The following ANKRD53 variants were observed in gnomAD, a reference collection of about 807,000 sequenced individuals.
The protein encoded by ANKRD53 is ankyrin repeat domain-containing protein 53.
ANKRD53 carries 27 observed loss-of-function variants against 30.1 expected under a neutral mutation model. That is an observed-to-expected ratio of 0.90 (90% confidence interval 0.66 to 1.24). The LOEUF is 1.24. Ranked by LOEUF, ANKRD53 falls within the 50% of genes most tolerant of loss-of-function variation. The pLI, the probability that ANKRD53 is intolerant of heterozygous loss-of-function variation, is 0.00. For missense variants in ANKRD53, 682 were observed against 721.0 expected (o/e 0.95, Z 0.62); for synonymous variants, 286 against 295.4 (o/e 0.97, Z 0.33).
intron 5 of ANKRD53, chr2:70,984,078 G>C (rs374033287): frequency 1.3e-6 from 2 of 1,566,032 alleles, no homozygotes; most frequent in African/African-American, 1.4e-5. Context: ...TCCAAGAAGC[G>C]TGTCCACATC....
intron 2 of ANKRD53, 101 bp downstream of exon 2, chr2:70,979,444 C>T: frequency 6.5e-7 from 1 of 1,541,762 alleles, no homozygotes; most frequent in South Asian, 1.2e-5. Context: ...GGTAGATCTT[C>T]CTAATTTAAC....
At position 70,984,857 on chromosome 2, in the gene ANKRD53, A is replaced by G. The variant is rs1442781162; in HGVS notation, c.1150A>G (p.Thr384Ala). The change falls in exon 6 of 6, where the codon ACA (threonine) becomes GCA (alanine). Residue 384 changes from threonine (T) to alanine (A), a missense_variant. Transcript: ENST00000360589. ...IYRKPTVKRP[T>A]MWNVSNNPAR... The stretch of plus-strand genomic sequence containing the variant: ...CAGGAAGCCCACGGTCAAGCGGCCC[A>G]CAATGTGGAATGTTAGCAACAACCC... 2 of 1,551,416 alleles carry G rather than the reference A, an allele frequency of 1.3e-6. No individual in the cohort carries two copies. The highest frequency in any genetic ancestry group is 1.7e-6 in the Non-Finnish European group (2 of 1,147,060).
In ANKRD53 at chr2:70,982,691, G is replaced by A. The variant is rs1553423861; in HGVS notation, c.897G>A (p.Glu299=). ...LTLMEHNYLI[E]YQKEHKILRE... ...TCATGGAGCACAACTACCTGATTGA[G>A]TATCAAGTAAGGGGGACAGCAGGGG... The change falls in exon 5 of 6, where the codon GAG becomes GAA. Residue 299 remains glutamate (E), a synonymous_variant. Transcript: ENST00000360589. This position sits in a 1 kb window ranked among gnomAD's most constrained non-coding sequence, Gnocchi z 4.2. The A allele has an allele frequency of 4.3e-6, 7 of 1,613,850 alleles. No homozygotes were observed. The highest frequency in any genetic ancestry group is 1.3e-5 in the African/African-American group (1 of 74,908).
rs117479227 is a variant in ANKRD53, at chr2:70,984,435, G to A, written c.904-176G>A. 1.1e-3 allele frequency: 1,111 copies of A among 985,326 alleles called. 49 individuals carry two copies. In the East Asian group the frequency reaches 0.085, roughly 76 times the overall value. 61.0% of individuals were successfully genotyped at this position (985,326 alleles called of 1,614,324 possible). On this transcript the variant is annotated intron_variant, in intron 5 of 5. Transcript: ENST00000360589. ...AAGTTGTCTCCCCCATCGGAACACC[G>A]GCTCCCATAAGGCAGGTGTTGCTTC...
upstream of ANKRD53, chr2:70,978,476 C>T (rs560123568): frequency 9.8e-4 from 704 of 717,840 alleles, 1 homozygote; most frequent in African/African-American, 0.012. The surrounding 1 kb of genome is among the most constrained non-coding windows in gnomAD (Gnocchi z 4.3). Flanking sequence ...CGGGCAGGGT[C>T]CCCGGAGGCC....
chr2:70,978,705 G>A lies in ANKRD53; in HGVS notation c.60G>A (p.Arg20=), dbSNP rs1428961187. The change falls in exon 1 of 6, where the codon AGG becomes AGA. Residue 20 remains arginine, a synonymous_variant. Transcript: ENST00000360589. This position sits in a 1 kb window ranked among gnomAD's most constrained non-coding sequence, Gnocchi z 4.3. The part of the protein sequence containing the change: ...RAGSGSWHSE[R]GEGRGARPQP... The stretch of plus-strand genomic sequence containing the variant: ...GCTCCGGAAGCTGGCACTCAGAAAG[G>A]GGAGAAGGGAGAGGTGCTCGGCCGC... 1.6e-5 allele frequency: 25 copies of A among 1,548,078 alleles called. No individual in the cohort carries two copies. In the Admixed American group the frequency reaches 4.7e-4, roughly 29 times the overall value.
In ANKRD53 at chr2:70,982,359, C is replaced by A; in HGVS notation, c.783-218C>A. The A allele has an allele frequency of 2.6e-6, 2 of 763,252 alleles. No homozygotes were observed. Among genetic ancestry groups the A allele is most frequent in the Non-Finnish European group, 4.1e-6 (2 of 491,212 alleles). The allele number at this position is 763,252 out of a possible 1,614,324, so 47.3% of individuals were successfully genotyped here. The stretch of plus-strand genomic sequence containing the variant: ...TGCCCTGGGGCCCCTGGCTCCTCAG[C>A]AGGAGGGTGGTGACCAGGTCATCAA... On this transcript the variant is annotated intron_variant, in intron 4 of 5. Coordinates refer to ENST00000360589, the MANE Select transcript of ANKRD53 (RefSeq NM_001115116.2). The surrounding 1 kb of genome is among the most constrained non-coding windows in gnomAD (Gnocchi z 4.2).
chr2:70,984,937 G>A lies in ANKRD53; in HGVS notation c.1230G>A (p.Val410=), dbSNP rs1670132529. The part of the protein sequence containing the change: ...ISHSQGIRLG[V]HPDPTPEHDF... ...ACTCGCAGGGCATCCGCCTGGGCGT[G>A]CATCCAGACCCCACTCCGGAGCACG... The change falls in exon 6 of 6, where the codon GTG becomes GTA. Residue 410 remains valine (V), a synonymous_variant. Coordinates refer to ENST00000360589, the MANE Select transcript of ANKRD53 (RefSeq NM_001115116.2). 3 of 1,550,704 alleles carry A rather than the reference G, an allele frequency of 1.9e-6. No homozygotes were observed. Among genetic ancestry groups the A allele is most frequent in the Non-Finnish European group, 2.6e-6 (3 of 1,146,958 alleles).
chr2:70,979,682 G>A lies in ANKRD53; in HGVS notation c.439G>A (p.Ala147Thr), dbSNP rs369024215. ...ACAGGGCTTCACTGCCATCCACTTC[G>A]CCGCCCAATGGGGCAAGCTTGCATG... ...DDKGFTAIHF[A>T]AQWGKLACLQ... is the part of the protein sequence containing the mutation. Residue 147 changes from alanine (A) to threonine (T), a missense_variant, in exon 3 of 6, where the codon GCC becomes ACC. Ala to Thr is a moderately conservative substitution (Grantham distance 58). Coordinates refer to ENST00000360589, the MANE Select transcript of ANKRD53 (RefSeq NM_001115116.2). The A allele has an allele frequency of 2.0e-5, 33 of 1,613,670 alleles. No homozygotes were observed. In the African/African-American group the frequency reaches 2.5e-4, roughly 12 times the overall value.
Position 70,982,195 on chromosome 2 carries a change from A to G in ANKRD53, c.782+95A>G. 7.2e-7 allele frequency: 1 copy of G among 1,398,064 alleles called. No homozygotes were observed. Among genetic ancestry groups the G allele is most frequent in the East Asian group, 2.5e-5 (1 of 39,986 alleles). The allele number at this position is 1,398,064 out of a possible 1,614,324, so 86.6% of individuals were successfully genotyped here. On this transcript the variant is annotated intron_variant, in intron 4 of 5. Coordinates refer to ENST00000360589, the MANE Select transcript of ANKRD53 (RefSeq NM_001115116.2). The surrounding 1 kb of genome is among the most constrained non-coding windows in gnomAD (Gnocchi z 4.2). ...TCACCACAGCTGAGCCTTTAAGGGG[A>G]GGGTTGGGAAGCCAGACAGCTGGAG... is the stretch of plus-strand genomic sequence containing the variant.
chr2:70,983,637 CAG>C (rs1553424061), intron 5 of ANKRD53, among the ~76,000 whole-genome samples: 1 of 152,170 alleles, frequency 6.6e-6, no homozygotes. Flanking sequence ...CACCAGTCCT[CAG>C]AGTCACACAC....
chr2:70,979,997 C>A, intron 3 of ANKRD53, 137 bp downstream of exon 3: 1 of 978,392 alleles, frequency 1.0e-6, no homozygotes, highest in Non-Finnish European at 1.5e-6. Context: ...ATAAAGCAGT[C>A]AGGAATCCAC....
At position 70,982,107 on chromosome 2, in the gene ANKRD53, G is replaced by C. The variant is rs2104856487; in HGVS notation, c.782+7G>C. Reference sequence around the variant, plus strand: ...ACCACCGTGCCTGTGCCCGGTGAGAGTGTGAGAACCACCTGGAGCCTGCCC... The same window carrying C: ...ACCACCGTGCCTGTGCCCGGTGAGACTGTGAGAACCACCTGGAGCCTGCCC... On this transcript the variant is annotated splice_region_variant and intron_variant, in intron 4 of 5. Coordinates refer to ENST00000360589, the MANE Select transcript of ANKRD53 (RefSeq NM_001115116.2). The surrounding 1 kb of genome is among the most constrained non-coding windows in gnomAD (Gnocchi z 4.2). The C allele has an allele frequency of 6.3e-7, 1 of 1,596,976 alleles. No individual in the cohort carries two copies. Among genetic ancestry groups the C allele is most frequent in the South Asian group, 1.1e-5 (1 of 88,264 alleles).
chr2:70,983,760 C>T (rs1395779956), intron 5 of ANKRD53, among the ~76,000 whole-genome samples: 3 of 152,296 alleles, frequency 2.0e-5, no homozygotes, highest in Admixed American at 1.3e-4. Context: ...TGTCCATTCT[C>T]GTTCCTTTAG....
chr2:70,978,929 G>A lies in ANKRD53; in HGVS notation c.170+114G>A. On this transcript the variant is annotated intron_variant, in intron 1 of 5. Coordinates refer to ENST00000360589, the MANE Select transcript of ANKRD53 (RefSeq NM_001115116.2). The surrounding 1 kb of genome is among the most constrained non-coding windows in gnomAD (Gnocchi z 4.3). ...GCGGAGGCTGCGGCCCGAGAAGCCA[G>A]CAGAGACAGGCTGGGGCCAGGGATC... The A allele has an allele frequency of 6.9e-7, 1 of 1,443,240 alleles. No individual in the cohort carries two copies. The highest frequency in any genetic ancestry group is 9.1e-7 in the Non-Finnish European group (1 of 1,093,352). The allele number at this position is 1,443,240 out of a possible 1,614,324, so 89.4% of individuals were successfully genotyped here. A position where few individuals can be genotyped will look rare whatever the true frequency, so the allele number is the denominator to read the frequency against.
At position 70,979,744 on chromosome 2, in the gene ANKRD53, G is replaced by A. The variant is rs782687520; in HGVS notation, c.501G>A (p.Val167=). 1.2e-6 allele frequency: 2 copies of A among 1,614,240 alleles called. No individual in the cohort carries two copies. The highest frequency in any genetic ancestry group is 3.3e-5 in the Admixed American group (2 of 60,024). Residue 167 remains valine (V), a synonymous_variant, in exon 3 of 6, where the codon GTG becomes GTA. Transcript: ENST00000360589. The part of the protein sequence containing the change: ...QVLVEEYKFP[V]DLLTNNSQTP... ...TGGTAGAGGAGTACAAGTTTCCCGT[G>A]GACCTGCTGACCAACAATAGCCAGA...
At chr2:70,981,803 A>G in intron 3 of ANKRD53, 133 bp from the exon 4 acceptor site, 1 of 954,010 alleles carries the variant, frequency 1.0e-6, no homozygotes. Flanking sequence ...CAAAAGGGAC[A>G]GACATAGCTA....
chr2:70,982,173 C>G lies in ANKRD53; in HGVS notation c.782+73C>G, dbSNP rs1167277990. 17 of 1,493,290 alleles carry G rather than the reference C, an allele frequency of 1.1e-5. No individual in the cohort carries two copies. The highest frequency in any genetic ancestry group is 1.3e-5 in the Non-Finnish European group (15 of 1,112,864). The allele number at this position is 1,493,290 out of a possible 1,614,324, so 92.5% of individuals were successfully genotyped here. On this transcript the variant is annotated intron_variant, in intron 4 of 5. Coordinates refer to ENST00000360589, the MANE Select transcript of ANKRD53 (RefSeq NM_001115116.2). This position sits in a 1 kb window ranked among gnomAD's most constrained non-coding sequence, Gnocchi z 4.2. ...CCCAGCCTTTTCCCTAGGGCCCTCACCACAGCTGAGCCTTTAAGGGGAGGG... is the reference window on the plus strand; with the variant it reads ...CCCAGCCTTTTCCCTAGGGCCCTCAGCACAGCTGAGCCTTTAAGGGGAGGG...
chr2:70,983,596 T>C (rs1232442589), intron 5 of ANKRD53, among the ~76,000 whole-genome samples: 1 of 152,178 alleles, frequency 6.6e-6, no homozygotes, highest in Non-Finnish European at 1.5e-5. Context: ...TCTCTCCAGT[T>C]CTCAGCCCTA....
Sources: allele counts gnomAD v4.1 joint callset (sites outside exome capture counted in the v4.1 genomes callset), GRCh38; gene constraint gnomAD v4.1.1; non-coding constraint Gnocchi (gnomAD v3.1); transcripts MANE v1.5; gene names NCBI Gene and HGNC (gene_info 2026-07-23, HGNC 2026-07-21).